The following DHRSX variants were observed in gnomAD, a reference collection of about 807,000 sequenced individuals.
DHRSX encodes polyprenol dehydrogenase.
Under a neutral mutation model 34.0 loss-of-function variants are expected in DHRSX, and 31 were observed. The ratio of observed to expected loss-of-function variants is 0.91; its 90% CI spans 0.69 to 1.23. DHRSX has a LOEUF of 1.23. Ranked by LOEUF, DHRSX falls within the 50% of genes most tolerant of loss-of-function variation. The probability of loss-of-function intolerance (pLI) is 0.00; values close to 1 mark genes in which losing one functional copy is unlikely to be tolerated. For synonymous variants in DHRSX, 201 were observed against 183.8 expected, an observed-to-expected ratio of 1.09 and a Z score of -0.76; for missense variants, 414 against 428.1, an observed-to-expected ratio of 0.97 and a Z score of 0.29.
intron 1 of DHRSX, among the ~76,000 whole-genome samples, chrX:2,455,255 T>G (rs1283308205): frequency 6.6e-6 from 1 of 151,550 alleles, no homozygotes; most frequent in Non-Finnish European, 1.5e-5. Context: ...TGGGTACCCG[T>G]GGATATAAAG....
chrX:2,269,662 G>A (rs1325578084), intron 4 of DHRSX, among the ~76,000 whole-genome samples: 3 of 152,032 alleles, frequency 2.0e-5, no homozygotes, highest in East Asian at 1.9e-4. Context: ...TTAGCCTCCC[G>A]AGTAGCTGGG....
intron 3 of DHRSX, among the ~76,000 whole-genome samples, chrX:2,330,442 A>G (rs1034553808): frequency 2.6e-5 from 4 of 150,968 alleles, no homozygotes; most frequent in Non-Finnish European, 5.9e-5. Flanking sequence ...AATCGCTTGA[A>G]CCGGGGAGGC....
intron 1 of DHRSX, among the ~76,000 whole-genome samples, chrX:2,494,761 T>G (rs5939497): frequency 0.1 from 15,865 of 151,966 alleles, 899 homozygotes; most frequent in Middle Eastern, 0.14. Context: ...AAGTTTTATA[T>G]TCCACTATTA....
chrX:2,458,104 A>G (rs1177221285), intron 1 of DHRSX, among the ~76,000 whole-genome samples: 1 of 151,948 alleles, frequency 6.6e-6, no homozygotes, highest in African/African-American at 2.4e-5. Flanking sequence ...CACTGAAGAC[A>G]TTCGGGAAGA....
Position 2,467,767 on chromosome X carries a change from G to A in DHRSX, c.109+33050C>T, listed in dbSNP as rs184763604. Among the ~76,000 whole-genome samples the A allele has an allele frequency of 2.4e-3, 371 of 152,108 alleles. 4 individuals are homozygous for A. Among genetic ancestry groups the A allele is most frequent in the African/African-American group, 7.5e-3 (311 of 41,502 alleles). On this transcript the variant is annotated intron_variant, in intron 1 of 6. Transcript: ENST00000334651. Reference sequence around the variant, plus strand: ...AGGTGGATGGATCACCTGAGGTCAGGGGTTTGAGACCAGCCTGACCAACAT... The same window carrying A: ...AGGTGGATGGATCACCTGAGGTCAGAGGTTTGAGACCAGCCTGACCAACAT...
intron 3 of DHRSX, among the ~76,000 whole-genome samples, chrX:2,402,591 C>A (rs1354090931): frequency 2.0e-5 from 3 of 152,206 alleles, no homozygotes; most frequent in Non-Finnish European, 4.4e-5. Flanking sequence ...AATGTCCCCA[C>A]CCAGCTGGGC....
chrX:2,461,644 T>C (rs28675978), intron 1 of DHRSX, among the ~76,000 whole-genome samples: 7,255 of 152,244 alleles, frequency 0.048, 295 homozygotes, highest in South Asian at 0.16. Context: ...TGGGCTCCAG[T>C]GATCCTCCCA....
At position 2,453,898 on chromosome X, in the gene DHRSX, A is replaced by G. The variant is rs149398684; in HGVS notation, c.110-28594T>C. ...TAGCTTGATTGTTAATATGTTAATT[A>G]GCTTGGTTAATACGTTATTAGCTTT... On this transcript the variant is annotated intron_variant, in intron 1 of 6. Transcript: ENST00000334651. Among the ~76,000 whole-genome samples the G allele has an allele frequency of 4.7e-3, 709 of 152,262 alleles. 5 individuals are homozygous for G. The highest frequency in any genetic ancestry group is 0.016 in the African/African-American group (668 of 41,558).
At chrX:2,500,109 C>G (rs1192482210) in intron 1 of DHRSX, among the ~76,000 whole-genome samples, 3 of 152,214 alleles carry the variant, frequency 2.0e-5, no homozygotes, top group African/African-American at 4.8e-5. Flanking sequence ...TGGCGGTCAT[C>G]ACTGATGAGT....
chrX:2,479,746 A>G (rs1177686848), intron 1 of DHRSX, among the ~76,000 whole-genome samples: 1 of 152,056 alleles, frequency 6.6e-6, no homozygotes, highest in African/African-American at 2.4e-5. Context: ...CACACTGAAG[A>G]CGTTCTCTAA....
intron 4 of DHRSX, among the ~76,000 whole-genome samples, chrX:2,267,924 G>A (rs1602839594): frequency 6.6e-6 from 1 of 152,254 alleles, no homozygotes. Flanking sequence ...CCCAGCCTGG[G>A]CAACAGAGAT....
At chrX:2,447,728 A>G (rs9803478) in intron 1 of DHRSX, among the ~76,000 whole-genome samples, 24,576 of 122,368 alleles carry the variant, frequency 0.2, 2,723 homozygotes, top group South Asian at 0.28. Flanking sequence ...GCCATTTGCA[A>G]CAACATGGAT....
At chrX:2,376,662 T>C (rs1178577642) in intron 3 of DHRSX, among the ~76,000 whole-genome samples, 1 of 136,868 alleles carries the variant, frequency 7.3e-6, no homozygotes, top group Admixed American at 7.3e-5. Context: ...ATTAGAGTAG[T>C]GTACGCTGTT....
At chrX:2,312,176 G>A (rs950479691) in intron 3 of DHRSX, among the ~76,000 whole-genome samples, 1 of 152,032 alleles carries the variant, frequency 6.6e-6, no homozygotes, top group African/African-American at 2.4e-5. Flanking sequence ...CTCCACCCCC[G>A]ACCAAGCATG....
chrX:2,410,423 G>A (rs747617047), intron 2 of DHRSX, among the ~76,000 whole-genome samples: 4 of 152,254 alleles, frequency 2.6e-5, no homozygotes, highest in East Asian at 1.9e-4. Flanking sequence ...GGGTGGGGCC[G>A]GTCTATCTCC....
At chrX:2,346,824 A>G (rs181195807) in intron 3 of DHRSX, among the ~76,000 whole-genome samples, 27 of 149,846 alleles carry the variant, frequency 1.8e-4, no homozygotes, top group South Asian at 6.4e-4. Flanking sequence ...GACAGGCCCC[A>G]GTGTGTGATG....
chrX:2,430,475 G>A (rs1390824095), intron 1 of DHRSX, among the ~76,000 whole-genome samples: 17 of 152,174 alleles, frequency 1.1e-4, no homozygotes, highest in Admixed American at 3.3e-4. Flanking sequence ...AACATGTTTC[G>A]CAAGATCGGG....
chrX:2,336,979 T>C (rs1469568062), intron 3 of DHRSX, among the ~76,000 whole-genome samples: 2 of 152,148 alleles, frequency 1.3e-5, no homozygotes, highest in African/African-American at 4.8e-5. Flanking sequence ...TTTTAAGCCC[T>C]GCTTGCATTA....
At chrX:2,385,108 A>ATG (rs1273797831) in intron 3 of DHRSX, among the ~76,000 whole-genome samples, 98 of 122,680 alleles carry the variant, frequency 8.0e-4, no homozygotes, top group African/African-American at 1.4e-3. Context: ...TCTCAAATAT[A>ATG]TATGTGTGTG....
Sources: gnomAD v4.1 joint callset for allele counts (sites outside exome capture counted in the v4.1 genomes callset) on GRCh38, gnomAD v4.1.1 for gene constraint, MANE v1.5 for transcripts, NCBI Gene and HGNC (gene_info 2026-07-23, HGNC 2026-07-21) for gene names.